SHOX: variants seen among roughly 807,000 people sequenced by gnomAD.
SHOX encodes the protein SHOX homeobox.
A neutral mutation model predicts 29.6 loss-of-function variants in SHOX; 12 were observed. The ratio of observed to expected loss-of-function variants is 0.41; its 90% CI spans 0.26 to 0.66. SHOX has a LOEUF of 0.66. SHOX is among the 30% of genes least tolerant of loss of function. The pLI is 0.35. For synonymous variants in SHOX, 214 were observed against 200.6 expected (o/e 1.07, Z -0.57); for missense variants, 499 against 437.7 (o/e 1.14, Z -1.25).
chrX:625,328 C>G (rs987414768), intron 1 of SHOX, among the ~76,000 whole-genome samples: 7 of 151,794 alleles, frequency 4.6e-5, no homozygotes, highest in African/African-American at 1.2e-4. Context: ...TGTCCATCCA[C>G]TAACTTCTCT....
rs2053170357 is a variant in SHOX at position 657,995 on chromosome X, G to A, written c.634-790G>A. On this transcript the variant is annotated intron_variant, in intron 5 of 5. Coordinates refer to the SHOX transcript ENST00000334060. ...TCTCTCTCTCTCTCTCTTTTTTTGA[G>A]ACAGAGTCTCACTCTGTCACCCAGG... Among the ~76,000 whole-genome samples the A allele has an allele frequency of 2.6e-5, 4 of 151,840 alleles. 1 individual carries two copies. Among genetic ancestry groups the A allele is most frequent in the South Asian group, 4.2e-4 (2 of 4,798 alleles).
chrX:644,699 C>T lies in SHOX; in HGVS notation c.*63C>T, dbSNP rs1271945508. ...CTCCGCGCACCCCGCCTGCACCGCG[C>T]GTCCTGCACTCAACCCCGCCTGGAG... On this transcript the variant is annotated 3_prime_UTR_variant, in exon 5 of 5. Coordinates refer to ENST00000686671, the MANE Select transcript of SHOX (RefSeq NM_000451.4). 2.8e-5 allele frequency: 38 copies of T among 1,361,722 alleles called. No homozygotes were observed. The East Asian group carries it at 9.2e-4, about 33-fold the overall frequency. 84.4% of individuals were successfully genotyped at this position (1,361,722 alleles called of 1,614,324 possible). A position where few individuals can be genotyped will look rare whatever the true frequency, so the allele number is the denominator to read the frequency against.
chrX:630,758 G>C (rs970127768), upstream of SHOX: 15 of 1,091,578 alleles, frequency 1.4e-5, no homozygotes, highest in African/African-American at 2.2e-4. Flanking sequence ...CGAGGTCGCC[G>C]CGTATAAATA....
At chrX:635,304 T>A (rs373464689) in intron 2 of SHOX, among the ~76,000 whole-genome samples, 84 of 151,388 alleles carry the variant, frequency 5.5e-4, no homozygotes, top group African/African-American at 1.9e-3. Flanking sequence ...ATTTTTCATT[T>A]AAAAAAAAAT....
In SHOX at chrX:631,023, A is replaced by G. The variant is rs2052638076; in HGVS notation, c.126A>G (p.Gly42=). 2 of 1,613,760 alleles carry G rather than the reference A, an allele frequency of 1.2e-6. No homozygotes were observed. The highest frequency in any genetic ancestry group is 1.7e-6 in the Non-Finnish European group (2 of 1,179,826). The change falls in exon 1 of 5, where the codon GGA becomes GGG. Residue 42 remains glycine, a synonymous_variant. Coordinates refer to ENST00000686671, the MANE Select transcript of SHOX (RefSeq NM_000451.4). ...CGTACCGGGAAGTTTTGGAGAGCGG[A>G]CTGGCGCGCTCCCGGGAGCTGGGGA... The part of the protein sequence containing the change: ...SITYREVLES[G]LARSRELGTS...
rs1255339979 is a variant in SHOX, at chrX:647,162, C to T, written c.*2526C>T. Among the ~76,000 whole-genome samples, 10 of 152,328 alleles carry T rather than the reference C, an allele frequency of 6.6e-5. No homozygotes were observed. The highest frequency in any genetic ancestry group is 2.1e-4 in the South Asian group (1 of 4,828). ...CACAATCTCGGCTCACCGCAACCTC[C>T]GCCTCCCGGGTTCAAGCCATTCTCC... On this transcript the variant is annotated 3_prime_UTR_variant, in exon 5 of 5. Transcript: ENST00000686671.
intron 4 of SHOX, among the ~76,000 whole-genome samples, chrX:642,549 G>A (rs1268039856): frequency 1.3e-5 from 2 of 152,226 alleles, no homozygotes; most frequent in Non-Finnish European, 2.9e-5. Flanking sequence ...AGAGGGGTCC[G>A]CATCCCTCCG....
Position 644,647 on chromosome X carries a change from A to AGCCCCCCGCGC in SHOX, c.*16_*26dup, listed in dbSNP as rs886038300. 1.3e-4 allele frequency: 182 copies of AGCCCCCCGCGC among 1,452,950 alleles called. No individual in the cohort carries two copies. In the African/African-American group the frequency reaches 1.9e-3, roughly 15 times the overall value. The allele number at this position is 1,452,950 out of a possible 1,614,324, so 90.0% of individuals were successfully genotyped here. On this transcript the variant is annotated 3_prime_UTR_variant, in exon 5 of 5. Coordinates refer to ENST00000686671, the MANE Select transcript of SHOX (RefSeq NM_000451.4). ...GCCCTGGGGCTCTGACCCGCCGCGC[A>AGCCCCCCGCGC]GCCCCCCGCGCGCCCGGACTCCCGG...
chrX:631,514 T>C (rs927577784), intron 1 of SHOX, among the ~76,000 whole-genome samples: 1 of 149,166 alleles, frequency 6.7e-6, no homozygotes, highest in African/African-American at 2.4e-5. Flanking sequence ...CATTTTCTTT[T>C]TCTTTCCTTT....
rs759494961 is a variant in SHOX at position 651,454 on chromosome X, C to T, written c.*6818C>T. On this transcript the variant is annotated 3_prime_UTR_variant, in exon 5 of 5. Coordinates refer to ENST00000686671, the MANE Select transcript of SHOX (RefSeq NM_000451.4). Reference sequence around the variant, plus strand: ...AAACCACCCTGAGTTTCTCTGGTGACGCCCTCATTCTCCTAACGTTCAATA... The same window carrying T: ...AAACCACCCTGAGTTTCTCTGGTGATGCCCTCATTCTCCTAACGTTCAATA... 1.1e-5 allele frequency: 5 copies of T among 449,998 alleles called. No homozygotes were observed. The highest frequency in any genetic ancestry group is 3.2e-5 in the South Asian group (2 of 62,930). 27.9% of individuals were successfully genotyped at this position (449,998 alleles called of 1,614,324 possible).
downstream of SHOX, among the ~76,000 whole-genome samples, chrX:651,994 C>T (rs1268624097): frequency 6.6e-6 from 1 of 152,064 alleles, no homozygotes; most frequent in African/African-American, 2.4e-5. Flanking sequence ...GCGATCTCGG[C>T]TCACCGCGAC....
Position 645,170 on chromosome X carries a change from TCTC to T in SHOX, c.*539_*541del, listed in dbSNP as rs1376970688. 6.6e-6 allele frequency: 1 copy of T among 152,200 alleles called. No homozygotes were observed. The highest frequency in any genetic ancestry group is 1.5e-5 in the Non-Finnish European group (1 of 68,224). The allele number at this position is 152,200 out of a possible 1,614,324, so 9.4% of individuals were successfully genotyped here. A position where few individuals can be genotyped will look rare whatever the true frequency, so the allele number is the denominator to read the frequency against. ...GAATCCCAGGAGGCAGGGGCCGGGC[TCTC>T]CTCCACCGCTCCCCCGGAGCCTCCC... On this transcript the variant is annotated 3_prime_UTR_variant, in exon 5 of 5. Transcript: ENST00000686671.
chrX:646,090 G>A lies in SHOX; in HGVS notation c.*1454G>A, dbSNP rs1335576528. 1 of 152,040 alleles carries A rather than the reference G, an allele frequency of 6.6e-6. No homozygotes were observed. The highest frequency in any genetic ancestry group is 1.5e-5 in the Non-Finnish European group (1 of 68,040). The allele number at this position is 152,040 out of a possible 1,614,324, so 9.4% of individuals were successfully genotyped here. On this transcript the variant is annotated 3_prime_UTR_variant, in exon 5 of 5. Coordinates refer to ENST00000686671, the MANE Select transcript of SHOX (RefSeq NM_000451.4). ...TTTTTGTATTTATAGTAGAGACGGG[G>A]TTTCACCGTGTTGGCCAGGCTCGTC...
chrX:624,907 TTC>T (rs1279716369), intron 1 of SHOX, among the ~76,000 whole-genome samples: 3 of 78,546 alleles, frequency 3.8e-5, no homozygotes, highest in East Asian at 2.5e-4. Context: ...TCTTTCTCTC[TTC>T]CTTTCTTTCT....
chrX:658,132 G>A (rs566700865), intron 5 of SHOX, among the ~76,000 whole-genome samples: 5 of 151,936 alleles, frequency 3.3e-5, no homozygotes, highest in South Asian at 2.1e-4. Context: ...GCACCACCAC[G>A]CCTGGCTAAT....
chrX:658,471 C>G (rs758220267), intron 5 of SHOX, among the ~76,000 whole-genome samples: 1 of 134,440 alleles, frequency 7.4e-6, no homozygotes, highest in Admixed American at 7.4e-5. Flanking sequence ...AAAAAGAACT[C>G]TTTTTTTTTT....
chrX:652,496 C>T (rs1164879582), downstream of SHOX, among the ~76,000 whole-genome samples: 1 of 151,792 alleles, frequency 6.6e-6, no homozygotes, highest in Non-Finnish European at 1.5e-5. Flanking sequence ...CACAGGGTTC[C>T]CACCGCGGTT....
At chrX:643,359 C>G (rs1365785050) in intron 4 of SHOX, among the ~76,000 whole-genome samples, 1 of 140,728 alleles carries the variant, frequency 7.1e-6, no homozygotes, top group African/African-American at 2.7e-5. Flanking sequence ...GGCTTGGGGA[C>G]TTGGTGTCCC....
intron 2 of SHOX, among the ~76,000 whole-genome samples, chrX:636,016 G>T (rs2124170448): frequency 6.6e-6 from 1 of 152,082 alleles, no homozygotes; most frequent in South Asian, 2.1e-4. Flanking sequence ...CGTTCCCGTA[G>T]GACTGGTTAT....
Sources: allele counts gnomAD v4.1 joint callset (sites outside exome capture counted in the v4.1 genomes callset), GRCh38; gene constraint gnomAD v4.1.1; transcripts MANE v1.5; gene names NCBI Gene and HGNC (gene_info 2026-07-23, HGNC 2026-07-21).